SLC2A13: variants seen among roughly 807,000 people sequenced by gnomAD.
SLC2A13 encodes solute carrier family 2 member 13.
In SLC2A13, 32 loss-of-function variants were observed where a neutral mutation model predicts 64.4. The ratio of observed to expected loss-of-function variants is 0.50; its 90% CI spans 0.37 to 0.67. The LOEUF (loss-of-function observed/expected upper bound fraction) is 0.67. Ranked by LOEUF, SLC2A13 falls within the 30% of genes least tolerant of loss-of-function variation. The pLI, the probability that SLC2A13 is intolerant of heterozygous loss-of-function variation, is 0.00. For missense variants in SLC2A13, 743 were observed against 829.2 expected (o/e 0.90, Z 1.28); for synonymous variants, 338 against 327.1 (o/e 1.03, Z -0.36).
At chr12:40,050,804 T>C (rs542720338) in intron 1 of SLC2A13, among the ~76,000 whole-genome samples, 1 of 152,336 alleles carries the variant, frequency 6.6e-6, no homozygotes, top group South Asian at 2.1e-4. Context: ...AATTCCAGCC[T>C]TGCCACTTAT....
chr12:40,074,606 CAT>C (rs1362552870), intron 1 of SLC2A13, among the ~76,000 whole-genome samples: 3 of 152,136 alleles, frequency 2.0e-5, no homozygotes, highest in Admixed American at 2.0e-4. Context: ...GCTTATTATT[CAT>C]AGTTGTTTTC....
chr12:40,034,160 A>G (rs1433469607), intron 2 of SLC2A13, among the ~76,000 whole-genome samples: 1 of 152,186 alleles, frequency 6.6e-6, no homozygotes, highest in African/African-American at 2.4e-5. Context: ...AAAACATGCA[A>G]TTGTTTTTGT....
At chr12:39,781,726 C>A (rs915612952) in intron 7 of SLC2A13, among the ~76,000 whole-genome samples, 1 of 152,172 alleles carries the variant, frequency 6.6e-6, no homozygotes, top group Non-Finnish European at 1.5e-5. Context: ...AACACATAGA[C>A]AAGCATACAA....
At chr12:39,971,230 T>C (rs563005231) in intron 3 of SLC2A13, among the ~76,000 whole-genome samples, 63 of 152,318 alleles carry the variant, frequency 4.1e-4, no homozygotes, top group South Asian at 2.5e-3. Flanking sequence ...CAGCTGCAGG[T>C]ATGCAACAAA....
intron 4 of SLC2A13, among the ~76,000 whole-genome samples, chr12:39,895,979 T>C (rs1180929775): frequency 6.9e-6 from 1 of 144,688 alleles, no homozygotes; most frequent in Non-Finnish European, 1.5e-5. Flanking sequence ...TGTATATGTA[T>C]ACATACATTC....
intron 2 of SLC2A13, among the ~76,000 whole-genome samples, chr12:40,030,711 G>GA (rs1947890115): frequency 6.6e-6 from 1 of 151,236 alleles, no homozygotes; most frequent in Middle Eastern, 3.2e-3. Flanking sequence ...ATTTTTACAA[G>GA]TTTTTTTTTA....
chr12:40,105,844 C>A lies in SLC2A13; in HGVS notation c.-36G>T, dbSNP rs1013396258. On this transcript the variant is annotated 5_prime_UTR_variant, in exon 1 of 10. Transcript: ENST00000280871. The surrounding 1 kb of genome is among the most constrained non-coding windows in gnomAD (Gnocchi z 4.2). Reference sequence around the variant, plus strand: ...CCCGGGGCTGCCCGGGGGGACGCGGCTCCGCGGGCCGGCAGTCTCGGCGAG... The same window carrying A: ...CCCGGGGCTGCCCGGGGGGACGCGGATCCGCGGGCCGGCAGTCTCGGCGAG... 7 of 1,358,698 alleles carry A rather than the reference C, an allele frequency of 5.2e-6. No individual in the cohort carries two copies. In the African/African-American group the frequency reaches 1.1e-4, roughly 21 times the overall value. 84.2% of individuals were successfully genotyped at this position (1,358,698 alleles called of 1,614,324 possible). A position where few individuals can be genotyped will look rare whatever the true frequency, so the allele number is the denominator to read the frequency against.
At chr12:40,028,538 G>A (rs1947859594) in intron 2 of SLC2A13, 29 bp from the exon 3 acceptor site, 2 of 1,608,344 alleles carry the variant, frequency 1.2e-6, no homozygotes, top group African/African-American at 2.7e-5. Context: ...CACATTTACT[G>A]TAAAATTTGC....
intron 1 of SLC2A13, among the ~76,000 whole-genome samples, chr12:40,062,375 A>G (rs942585552): frequency 1.5e-5 from 1 of 65,832 alleles, no homozygotes; most frequent in African/African-American, 5.1e-5. Flanking sequence ...TTATTTTTGT[A>G]GCTTCAGGGG....
chr12:39,823,814 T>C (rs1321919846), intron 7 of SLC2A13, among the ~76,000 whole-genome samples: 1 of 152,228 alleles, frequency 6.6e-6, no homozygotes, highest in African/African-American at 2.4e-5. Context: ...TTTGCAGTGA[T>C]ATACTGAAGC....
intron 3 of SLC2A13, among the ~76,000 whole-genome samples, chr12:40,000,458 A>G (rs1444636635): frequency 6.6e-6 from 1 of 152,194 alleles, no homozygotes; most frequent in Non-Finnish European, 1.5e-5. Context: ...TGACCGACAC[A>G]TACACCTGGT....
chr12:39,984,494 C>T (rs1043740121), intron 3 of SLC2A13, among the ~76,000 whole-genome samples: 1 of 151,796 alleles, frequency 6.6e-6, no homozygotes, highest in African/African-American at 2.4e-5. Context: ...ATTCCTGGTA[C>T]CAAAACTAGA....
At chr12:40,014,505 T>G (rs911414551) in intron 3 of SLC2A13, among the ~76,000 whole-genome samples, 2 of 152,190 alleles carry the variant, frequency 1.3e-5, no homozygotes, top group African/African-American at 2.4e-5. Context: ...TTTTTCTTTT[T>G]TTTGAGACAG....
At chr12:40,086,059 G>T (rs539399732) in intron 1 of SLC2A13, among the ~76,000 whole-genome samples, 1 of 152,202 alleles carries the variant, frequency 6.6e-6, no homozygotes, top group East Asian at 1.9e-4. Context: ...GGCTGGTCTT[G>T]AACTCCTGAC....
At chr12:39,780,677 T>C (rs1348597858) in intron 7 of SLC2A13, among the ~76,000 whole-genome samples, 1 of 152,068 alleles carries the variant, frequency 6.6e-6, no homozygotes, top group African/African-American at 2.4e-5. Context: ...AGTAACTCAT[T>C]TGAGAGTAGT....
intron 3 of SLC2A13, among the ~76,000 whole-genome samples, chr12:39,969,673 G>T (rs186733836): frequency 0.062 from 9,382 of 151,552 alleles, 431 homozygotes; most frequent in Admixed American, 0.14. Flanking sequence ...TAAATTTGTT[G>T]GAGTTCATTG....
At chr12:39,918,716 C>T (rs1312345962) in intron 4 of SLC2A13, among the ~76,000 whole-genome samples, 1 of 151,832 alleles carries the variant, frequency 6.6e-6, no homozygotes, top group Non-Finnish European at 1.5e-5. Context: ...CACATGTATT[C>T]ACAGTTTAAG....
At chr12:39,960,253 G>C (rs375625462) in intron 3 of SLC2A13, among the ~76,000 whole-genome samples, 1 of 152,108 alleles carries the variant, frequency 6.6e-6, no homozygotes, top group East Asian at 1.9e-4. Flanking sequence ...TGCTGCACTT[G>C]TATGTTAATT....
At chr12:39,884,173 T>TA (rs1346420172) in intron 4 of SLC2A13, among the ~76,000 whole-genome samples, 2 of 152,156 alleles carry the variant, frequency 1.3e-5, no homozygotes, top group African/African-American at 2.4e-5. Flanking sequence ...CTCACTATGT[T>TA]GCTCAGGCTG....
Sources: gnomAD v4.1 joint callset for allele counts (sites outside exome capture counted in the v4.1 genomes callset) on GRCh38, gnomAD v4.1.1 for gene constraint, Gnocchi (gnomAD v3.1) non-coding constraint, MANE v1.5 for transcripts, NCBI Gene and HGNC (gene_info 2026-07-23, HGNC 2026-07-21) for gene names.